The following MSH3 variants were observed in gnomAD, a reference collection of about 807,000 sequenced individuals.
MSH3 encodes the protein mutS homolog 3, also known as DNA mismatch repair protein Msh3.
In MSH3, 106 loss-of-function variants were observed where a neutral mutation model predicts 123.3. The observed-to-expected ratio is 0.86, with a 90% CI of 0.73 to 1.01. MSH3 has a LOEUF of 1.01. Ranked by LOEUF, MSH3 falls within the 50% of genes least tolerant of loss-of-function variation. The pLI is 0.00. For synonymous variants in MSH3, 515 were observed against 481.4 expected, an observed-to-expected ratio of 1.07 and a Z score of -0.91; for missense variants, 1,459 against 1,347.6, an observed-to-expected ratio of 1.08 and a Z score of -1.29.
intron 1 of MSH3, 45 bp downstream of exon 1, chr5:80,655,009 G>C (rs911123607): frequency 1.4e-5 from 17 of 1,227,882 alleles, no homozygotes; most frequent in Middle Eastern, 2.6e-4. Flanking sequence ...GGCTGGGGGG[G>C]CGGGGCTTGT....
chr5:80,777,959 A>G (rs143359402), intron 16 of MSH3, among the ~76,000 whole-genome samples: 15 of 152,304 alleles, frequency 9.8e-5, no homozygotes, highest in Middle Eastern at 3.4e-3. Context: ...CCTATGAGGT[A>G]GATATTATTA....
intron 2 of MSH3, among the ~76,000 whole-genome samples, chr5:80,663,009 A>C (rs758262534): frequency 1.4e-4 from 21 of 152,040 alleles, no homozygotes; most frequent in Non-Finnish European, 2.4e-4. Context: ...CCAAAGCAGG[A>C]AGATTATTTG....
intron 8 of MSH3, among the ~76,000 whole-genome samples, chr5:80,711,627 T>G (rs896479693): frequency 6.6e-6 from 1 of 152,270 alleles, no homozygotes; most frequent in South Asian, 2.1e-4. Flanking sequence ...GACCCCTTTT[T>G]GAAGACAGCA....
In MSH3 at chr5:80,654,883, A is replaced by T. The variant is rs761607646; in HGVS notation, c.156A>T (p.Ala52=). 3.0e-5 allele frequency: 26 copies of T among 852,838 alleles called. No homozygotes were observed. In the African/African-American group the frequency reaches 6.0e-4, roughly 20 times the overall value. 52.8% of individuals were successfully genotyped at this position (852,838 alleles called of 1,614,324 possible). Residue 52 remains alanine, a synonymous_variant, in exon 1 of 24, where the codon GCA becomes GCT. Transcript: ENST00000265081. ...GAADQVDPGA[A]AAAAAAAAAA... is the part of the protein sequence containing the mutation. ...CCGACCAGGTGGACCCTGGCGCTGC[A>T]GCGGCTGCAGCGGCCGCAGCGGCCG...
At chr5:80,823,129 G>A (rs1478182785) in intron 20 of MSH3, among the ~76,000 whole-genome samples, 1 of 152,168 alleles carries the variant, frequency 6.6e-6, no homozygotes, top group African/African-American at 2.4e-5. Context: ...ATGAGTAATT[G>A]TATGTATAAA....
chr5:80,860,228 G>T (rs141490531), intron 21 of MSH3, among the ~76,000 whole-genome samples: 4 of 151,974 alleles, frequency 2.6e-5, no homozygotes, highest in Non-Finnish European at 5.9e-5. Flanking sequence ...GCCTTCACTG[G>T]TTCCTTCTTC....
At position 80,672,286 on chromosome 5, in the gene MSH3, A is replaced by T; in HGVS notation, c.835A>T (p.Asn279Tyr). Residue 279 changes from asparagine to tyrosine, a missense_variant, in exon 5 of 24, where the codon AAC (asparagine) becomes TAC (tyrosine). Coordinates refer to ENST00000265081, the MANE Select transcript of MSH3 (RefSeq NM_002439.5). Reference protein sequence around the residue: ...ELNIYCHLDHNFMTASIPTHR... With the variant: ...ELNIYCHLDHYFMTASIPTHR... ...CAATATTTATTGCCATTTAGATCAC[A>T]ACTTTATGACAGCAAGTATACCTAC... The T allele has an allele frequency of 6.2e-7, 1 of 1,614,038 alleles. No homozygotes were observed.
chr5:80,751,202 G>A (rs1274218311), intron 12 of MSH3, among the ~76,000 whole-genome samples: 2 of 152,062 alleles, frequency 1.3e-5, no homozygotes, highest in Non-Finnish European at 2.9e-5. Context: ...GCATTAACAG[G>A]GATAAGATAT....
chr5:80,694,896 A>ATT (rs35665355), intron 8 of MSH3, among the ~76,000 whole-genome samples: 74 of 135,676 alleles, frequency 5.5e-4, no homozygotes, highest in Middle Eastern at 4.0e-3. Context: ...GCTGTCAAGA[A>ATT]TTTTTTTTTT....
rs187288853 is a variant in MSH3, at chr5:80,840,326, G to T, written c.2814-13804G>T. ...GGGAAAGGAAAGGGGAATCTTCTAG[G>T]CATCCCAGTCTAAAACTCTTCATTT... On this transcript the variant is annotated intron_variant, in intron 20 of 23. Transcript: ENST00000265081. 3.9e-5 allele frequency among the ~76,000 whole-genome samples: 6 copies of T among 152,192 alleles called. No homozygotes were observed. The East Asian group carries it at 7.7e-4, about 20-fold the overall frequency.
chr5:80,680,534 A>G (rs1378876801), intron 8 of MSH3, among the ~76,000 whole-genome samples: 1 of 150,804 alleles, frequency 6.6e-6, no homozygotes, highest in Non-Finnish European at 1.5e-5. Context: ...CCATTTGTGA[A>G]CTTGCATTCC....
intron 19 of MSH3, among the ~76,000 whole-genome samples, chr5:80,800,463 T>A (rs566447691): frequency 6.6e-6 from 1 of 152,242 alleles, no homozygotes; most frequent in African/African-American, 2.4e-5. Context: ...GCCGATAGAT[T>A]TTATGTGTCT....
At chr5:80,747,205 T>C (rs1743737696) in intron 12 of MSH3, among the ~76,000 whole-genome samples, 2 of 152,220 alleles carry the variant, frequency 1.3e-5, no homozygotes, top group Admixed American at 1.3e-4. Flanking sequence ...TTTGCTTACA[T>C]GTTACAGCAG....
At chr5:80,873,356 G>A (rs899705765) in intron 23 of MSH3, 69 bp downstream of exon 23, 9 of 1,523,002 alleles carry the variant, frequency 5.9e-6, no homozygotes, top group Non-Finnish European at 8.1e-6. Flanking sequence ...AAAGAGAGGA[G>A]CGTCCTAAAA....
chr5:80,827,310 A>C (rs1472112551), intron 20 of MSH3, among the ~76,000 whole-genome samples: 1 of 152,126 alleles, frequency 6.6e-6, no homozygotes, highest in African/African-American at 2.4e-5. Flanking sequence ...ACTTACACAA[A>C]CTCCCTCTTC....
intron 10 of MSH3, among the ~76,000 whole-genome samples, chr5:80,731,294 A>G (rs1343997528): frequency 1.3e-5 from 2 of 152,148 alleles, no homozygotes; most frequent in East Asian, 3.9e-4. Flanking sequence ...ATTCTTTTCA[A>G]ATTACCTGAA....
intron 17 of MSH3, among the ~76,000 whole-genome samples, chr5:80,782,758 T>C (rs186990966): frequency 1.1e-4 from 16 of 152,340 alleles, no homozygotes; most frequent in Non-Finnish European, 2.1e-4. Flanking sequence ...ACACTATTTA[T>C]TGAGGTACCA....
chr5:80,675,194 T>C (rs1580553966), intron 7 of MSH3, 66 bp downstream of exon 7: 19 of 1,524,486 alleles, frequency 1.2e-5, no homozygotes, highest in Non-Finnish European at 1.7e-5. Flanking sequence ...TGATCTATCA[T>C]GTATGGTTTA....
intron 22 of MSH3, among the ~76,000 whole-genome samples, chr5:80,869,035 C>CT (rs1746153831): frequency 6.6e-6 from 1 of 152,152 alleles, no homozygotes; most frequent in Non-Finnish European, 1.5e-5. Context: ...CTATAATACT[C>CT]TATTTCCTAT....
Sources: allele counts gnomAD v4.1 joint callset (sites outside exome capture counted in the v4.1 genomes callset), GRCh38; gene constraint gnomAD v4.1.1; transcripts MANE v1.5; gene names NCBI Gene and HGNC (gene_info 2026-07-23, HGNC 2026-07-21).